Variants in GART observed in about 807,000 individuals in gnomAD.
GART encodes phosphoribosylglycinamide formyltransferase, phosphoribosylglycinamide synthetase, phosphoribosylaminoimidazole synthetase.
In GART, 43 loss-of-function variants were observed where a neutral mutation model predicts 107.2. The ratio of observed to expected loss-of-function variants is 0.40; its 90% CI spans 0.31 to 0.52. The LOEUF is 0.52. GART is among the 20% of genes least tolerant of loss of function. GART has a pLI of 0.52. For synonymous variants in GART, 434 were observed against 427.0 expected, an observed-to-expected ratio of 1.02 and a Z score of -0.20; for missense variants, 1,107 against 1,206.5, an observed-to-expected ratio of 0.92 and a Z score of 1.22.
At chr21:33,536,365 GGCTCT>G (rs1297214345) in intron 2 of GART, among the ~76,000 whole-genome samples, 3 of 152,114 alleles carry the variant, frequency 2.0e-5, no homozygotes, top group African/African-American at 7.2e-5. Flanking sequence ...GCTCCATAGG[GGCTCT>G]CCTGCTTCAC....
At chr21:33,522,162 A>G (rs1307305599) in intron 12 of GART, 26 bp downstream of exon 12, 1 of 1,530,904 alleles carries the variant, frequency 6.5e-7, no homozygotes, top group Non-Finnish European at 9.0e-7. Flanking sequence ...AAAGTTAATG[A>G]ATTAGCAAAG....
At chr21:33,526,306 G>A (rs979815943) in intron 10 of GART, among the ~76,000 whole-genome samples, 16 of 152,174 alleles carry the variant, frequency 1.1e-4, no homozygotes, top group East Asian at 1.9e-4. Flanking sequence ...GAGTAGCTAG[G>A]ATTATAGGCA....
upstream of GART, chr21:33,542,765 AAC>A (rs2085476926): frequency 5.7e-6 from 2 of 353,812 alleles, no homozygotes; most frequent in South Asian, 7.5e-5. Context: ...AAGGCTCCCA[AAC>A]ACTGCTGGGG....
chr21:33,533,633 T>TA (rs1601224222), intron 4 of GART, among the ~76,000 whole-genome samples: 1 of 149,918 alleles, frequency 6.7e-6, no homozygotes, highest in East Asian at 2.0e-4. Context: ...GGCCTAGTGT[T>TA]ACGGCTCATG....
chr21:33,533,444 A>T (rs980971943), intron 4 of GART, among the ~76,000 whole-genome samples: 13 of 149,220 alleles, frequency 8.7e-5, no homozygotes, highest in South Asian at 6.3e-4. Context: ...GACTCAAAAA[A>T]AAAAAAATAA....
chr21:33,507,405 T>C (rs936410010), intron 18 of GART, among the ~76,000 whole-genome samples: 3 of 152,170 alleles, frequency 2.0e-5, no homozygotes, highest in African/African-American at 7.2e-5. Flanking sequence ...GGAAGGGTAG[T>C]GGGAGAGACG....
At chr21:33,538,323 T>C (rs939174454) in intron 2 of GART, among the ~76,000 whole-genome samples, 1 of 151,924 alleles carries the variant, frequency 6.6e-6, no homozygotes, top group Non-Finnish European at 1.5e-5. Flanking sequence ...CTTTGTTTTG[T>C]GAGACAGGTT....
At chr21:33,521,080 TCTA>T in intron 12 of GART, 65 bp from the exon 13 acceptor site, 1 of 1,329,122 alleles carries the variant, frequency 7.5e-7, no homozygotes, top group African/African-American at 1.5e-5. Context: ...TATTTAAATG[TCTA>T]CTAGTTTAAA....
intron 16 of GART, 25 bp downstream of exon 16, chr21:33,516,964 C>T (rs978973483): frequency 2.5e-6 from 4 of 1,577,190 alleles, no homozygotes; most frequent in Non-Finnish European, 3.4e-6. Context: ...ATTTTCTGAA[C>T]AGAAGTTCGT....
chr21:33,518,257 T>A (rs556049914), intron 14 of GART, among the ~76,000 whole-genome samples: 1 of 152,148 alleles, frequency 6.6e-6, no homozygotes, highest in East Asian at 1.9e-4. Flanking sequence ...CCGAGGCAGG[T>A]GGATCAGGTC....
chr21:33,533,539 T>C (rs2085239269), intron 4 of GART, among the ~76,000 whole-genome samples: 1 of 152,070 alleles, frequency 6.6e-6, no homozygotes, highest in Admixed American at 6.5e-5. Flanking sequence ...TGATGATTAC[T>C]CACTCTGGTT....
chr21:33,525,122 C>A, intron 10 of GART, 122 bp from the exon 11 acceptor site: 1 of 1,422,668 alleles, frequency 7.0e-7, no homozygotes, highest in Non-Finnish European at 9.2e-7. Flanking sequence ...TGCGGTGGCT[C>A]ATGCTTATAA....
At chr21:33,510,386 G>A in intron 17 of GART, 1 of 153,822 alleles carries the variant, frequency 6.5e-6, no homozygotes, top group Non-Finnish European at 1.4e-5. Flanking sequence ...CTGGAGTGCA[G>A]TGGCGCGATC....
At position 33,518,416 on chromosome 21, in the gene GART, T is replaced by C. The variant is rs1477472495; in HGVS notation, c.1703-808A>G. 5.9e-5 allele frequency among the ~76,000 whole-genome samples: 9 copies of C among 151,758 alleles called. No individual in the cohort carries two copies. The East Asian group carries it at 1.7e-3, about 29-fold the overall frequency. On this transcript the variant is annotated intron_variant, in intron 14 of 21. Coordinates refer to ENST00000381815, the MANE Select transcript of GART (RefSeq NM_000819.5). ...TTGCTTGAACCTGGGAGGTGGGGGT[T>C]GCAGCGAGCCGAGATTGTGCCACTG...
intron 14 of GART, among the ~76,000 whole-genome samples, chr21:33,519,336 G>A (rs113064077): frequency 1.1e-3 from 160 of 152,188 alleles, no homozygotes; most frequent in African/African-American, 3.5e-3. Context: ...GGCAGATCAC[G>A]AGATCAGGAG....
intron 2 of GART, among the ~76,000 whole-genome samples, chr21:33,537,503 A>G (rs1247311156): frequency 3.3e-5 from 5 of 152,246 alleles, no homozygotes; most frequent in African/African-American, 4.8e-5. Flanking sequence ...GGAGGAAAAG[A>G]ACATAGAAGA....
In GART at chr21:33,530,805, C is replaced by A; in HGVS notation, c.677G>T (p.Gly226Val). 6.5e-7 allele frequency: 1 copy of A among 1,532,372 alleles called. No individual in the cohort carries two copies. Among genetic ancestry groups the A allele is most frequent in the Non-Finnish European group, 8.7e-7 (1 of 1,146,484 alleles). The allele number at this position is 1,532,372 out of a possible 1,614,324, so 94.9% of individuals were successfully genotyped here. A position where few individuals can be genotyped will look rare whatever the true frequency, so the allele number is the denominator to read the frequency against. The change falls in exon 7 of 22, where the codon GGT (glycine) becomes GTT (valine). Residue 226 changes from glycine (G) to valine (V), a missense_variant. Coordinates refer to ENST00000381815, the MANE Select transcript of GART (RefSeq NM_000819.5). Reference sequence around the variant, plus strand: ...TCCCATTCCCCCTGTGTTAGGGCCACCATCTCCCTCCAGTAATCGCTTATG... The same window carrying A: ...TCCCATTCCCCCTGTGTTAGGGCCAACATCTCCCTCCAGTAATCGCTTATG... ...QDHKRLLEGD[G>V]GPNTGGMGAY... is the part of the protein sequence containing the mutation.
chr21:33,513,206 C>T (rs1569014215), intron 16 of GART, among the ~76,000 whole-genome samples: 1 of 150,026 alleles, frequency 6.7e-6, no homozygotes, highest in Non-Finnish European at 1.5e-5. Flanking sequence ...CTCAGGGGAT[C>T]CATCCACCTC....
chr21:33,533,366 G>A (rs1430076581), intron 4 of GART, among the ~76,000 whole-genome samples: 1 of 151,534 alleles, frequency 6.6e-6, no homozygotes, highest in Non-Finnish European at 1.5e-5. Flanking sequence ...ATGAACCTGG[G>A]AGGCGGAGCT....
Sources: allele counts gnomAD v4.1 joint callset (sites outside exome capture counted in the v4.1 genomes callset), GRCh38; gene constraint gnomAD v4.1.1; transcripts MANE v1.5; gene names NCBI Gene and HGNC (gene_info 2026-07-23, HGNC 2026-07-21).